The following CLTC variants were observed in gnomAD, a reference collection of about 807,000 sequenced individuals.
CLTC encodes the protein clathrin heavy chain 1.
CLTC carries 16 observed loss-of-function variants against 195.8 expected under a neutral mutation model. The ratio of observed to expected loss-of-function variants is 0.08; its 90% confidence interval spans 0.06 to 0.12. The LOEUF (loss-of-function observed/expected upper bound fraction) is 0.12. Among genes scored for constraint, CLTC ranks in the 10% least tolerant of loss-of-function variants. The pLI, the probability that CLTC is intolerant of heterozygous loss-of-function variation, is 1.00. For synonymous variants in CLTC, 667 were observed against 689.4 expected (o/e 0.97, Z 0.51); for missense variants, 796 against 2,027.0 (o/e 0.39, Z 11.66).
rs547225544 is a variant in CLTC at position 59,692,757 on chromosome 17, C to T, written c.4904-971C>T. Among the ~76,000 whole-genome samples the T allele has an allele frequency of 1.7e-3, 262 of 152,228 alleles. 2 individuals carry two copies. Among genetic ancestry groups the T allele is most frequent in the Middle Eastern group, 0.017 (5 of 294 alleles). On this transcript the variant is annotated intron_variant, in intron 31 of 31. Transcript: ENST00000269122. ...GTTCAAGTGATTCTCCTGCCTCAAC[C>T]TGCTGAGTAGCTGGGATTATAAGCA...
At chr17:59,663,103 G>A (rs994905263) in intron 8 of CLTC, among the ~76,000 whole-genome samples, 4 of 152,080 alleles carry the variant, frequency 2.6e-5, no homozygotes, top group Admixed American at 2.6e-4. Context: ...TAAGATTATC[G>A]ACTCTGATAC....
intron 8 of CLTC, among the ~76,000 whole-genome samples, chr17:59,662,043 C>T (rs1289979203): frequency 1.3e-5 from 2 of 151,174 alleles, no homozygotes; most frequent in African/African-American, 2.4e-5. Flanking sequence ...GTAGAGGTTG[C>T]AGTGAGTTGA....
At position 59,690,649 on chromosome 17, in the gene CLTC, A is replaced by T. The variant is rs1598248371; in HGVS notation, c.4841A>T (p.Asp1614Val). 6.2e-7 allele frequency: 1 copy of T among 1,612,468 alleles called. No homozygotes were observed. Among genetic ancestry groups the T allele is most frequent in the Non-Finnish European group, 8.5e-7 (1 of 1,179,110 alleles). Reference protein sequence around the residue: ...KEYLTKVDKLDASESLRKEEE... With the variant: ...KEYLTKVDKLVASESLRKEEE... ...GTTTTTCTCCAGGTGGATAAATTAG[A>T]TGCTTCAGAATCACTGAGAAAAGAA... Residue 1614 changes from aspartate to valine, a missense_variant, in exon 31 of 32, where the codon GAT becomes GTT. By Grantham distance (152) the Asp-to-Val change is radical. Transcript: ENST00000269122.
chr17:59,683,669 A>C lies in CLTC; in HGVS notation c.4236A>C (p.Leu1412Phe), dbSNP rs765701172. The C allele has an allele frequency of 1.2e-6, 2 of 1,614,214 alleles. No individual in the cohort carries two copies. Among genetic ancestry groups the C allele is most frequent in the Non-Finnish European group, 1.7e-6 (2 of 1,180,020 alleles). ...ELYYRAIQFY[L>F]EFKPLLLNDL... is the part of the protein sequence containing the mutation. ...ACTACAGAGCAATACAGTTCTACTT[A>C]GAATTCAAGCCTCTGTTGTTAAATG... The change falls in exon 27 of 32, where the codon TTA becomes TTC. Residue 1412 changes from leucine to phenylalanine, a missense_variant. Coordinates refer to ENST00000269122, the MANE Select transcript of CLTC (RefSeq NM_004859.4). This position sits in a 1 kb window ranked among gnomAD's most constrained non-coding sequence, Gnocchi z 6.1.
chr17:59,639,119 G>A (rs2031956155), intron 1 of CLTC, among the ~76,000 whole-genome samples: 1 of 152,104 alleles, frequency 6.6e-6, no homozygotes, highest in African/African-American at 2.4e-5. Flanking sequence ...ACAAAGTTTG[G>A]GTGCTTTTCT....
intron 30 of CLTC, among the ~76,000 whole-genome samples, chr17:59,688,234 G>A (rs1024627532): frequency 1.3e-5 from 2 of 152,144 alleles, no homozygotes; most frequent in Non-Finnish European, 2.9e-5. Context: ...TTTCTTGAGA[G>A]CCTGTATAGC....
intron 13 of CLTC, 115 bp downstream of exon 13, chr17:59,667,092 ATTTTAATT>A: frequency 1.3e-6 from 1 of 741,892 alleles, no homozygotes; most frequent in South Asian, 2.0e-5. Flanking sequence ...TCTATGGGAC[ATTTTAATT>A]TTTTAAGTTT....
chr17:59,632,574 CG>C (rs554454049), intron 1 of CLTC, among the ~76,000 whole-genome samples: 19 of 151,976 alleles, frequency 1.3e-4, no homozygotes, highest in Admixed American at 2.6e-4. Flanking sequence ...ACCCAGGAGC[CG>C]GAGGTTGCAG....
intron 1 of CLTC, among the ~76,000 whole-genome samples, chr17:59,638,418 T>G (rs1371037749): frequency 6.6e-6 from 1 of 152,138 alleles, no homozygotes; most frequent in African/African-American, 2.4e-5. Flanking sequence ...TCTTCACACC[T>G]CTGAGATAGA....
At chr17:59,634,011 C>T (rs1451474377) in intron 1 of CLTC, among the ~76,000 whole-genome samples, 1 of 152,166 alleles carries the variant, frequency 6.6e-6, no homozygotes, top group Non-Finnish European at 1.5e-5. Flanking sequence ...TGGACTCAAA[C>T]AATCTTCCCA....
chr17:59,639,305 ATAG>A (rs1193808297), intron 1 of CLTC, among the ~76,000 whole-genome samples: 6 of 152,210 alleles, frequency 3.9e-5, no homozygotes, highest in Non-Finnish European at 8.8e-5. Flanking sequence ...GTGACTTTTC[ATAG>A]TATAACCTTT....
chr17:59,665,656 T>C (rs2032712687), intron 10 of CLTC, among the ~76,000 whole-genome samples: 1 of 152,060 alleles, frequency 6.6e-6, no homozygotes, highest in Non-Finnish European at 1.5e-5. Flanking sequence ...CTAGCCAATA[T>C]AGCGAAACCC....
At chr17:59,692,427 T>G (rs998251761) in intron 31 of CLTC, among the ~76,000 whole-genome samples, 2 of 152,252 alleles carry the variant, frequency 1.3e-5, no homozygotes, top group Admixed American at 6.5e-5. Context: ...AATCTTGATC[T>G]AGGTTTACAC....
intron 1 of CLTC, among the ~76,000 whole-genome samples, chr17:59,628,498 A>G (rs1337582301): frequency 1.3e-5 from 2 of 152,186 alleles, no homozygotes; most frequent in African/African-American, 4.8e-5. Context: ...AAAAACTACC[A>G]TCTACCCAGT....
intron 1 of CLTC, among the ~76,000 whole-genome samples, chr17:59,626,931 T>G (rs950534392): frequency 6.6e-6 from 1 of 152,160 alleles, no homozygotes; most frequent in Admixed American, 6.5e-5. Flanking sequence ...AGGGTCTCAC[T>G]CTGTTGCCCA....
At position 59,685,007 on chromosome 17, in the gene CLTC, T is replaced by G. The variant is rs190556597; in HGVS notation, c.4435-49T>G. The G allele has an allele frequency of 7.0e-7, 1 of 1,432,452 alleles. No homozygotes were observed. The highest frequency in any genetic ancestry group is 2.1e-5 in the Admixed American group (1 of 46,674). 88.7% of individuals were successfully genotyped at this position (1,432,452 alleles called of 1,614,324 possible). On this transcript the variant is annotated intron_variant, in intron 28 of 31. Transcript: ENST00000269122. The surrounding 1 kb of genome is among the most constrained non-coding windows in gnomAD (Gnocchi z 5.0). ...CTCATTGATTGAGAACGGAATATAA[T>G]GTTAAACAAAATACTGATCTGGCAT...
rs2033417067 is a variant in CLTC at position 59,696,089 on chromosome 17, A to G, written c.*2237A>G. The G allele has an allele frequency of 4.7e-6, 1 of 213,410 alleles. No homozygotes were observed. Among genetic ancestry groups the G allele is most frequent in the Non-Finnish European group, 9.5e-6 (1 of 105,666 alleles). 13.2% of individuals were successfully genotyped at this position (213,410 alleles called of 1,614,324 possible). On this transcript the variant is annotated 3_prime_UTR_variant, in exon 32 of 32. Coordinates refer to ENST00000269122, the MANE Select transcript of CLTC (RefSeq NM_004859.4). ...CACTACCTTTGAATTTGGAGCCATC[A>G]GTCTATCTGAGGCAAACCTCAGAAA... is the stretch of plus-strand genomic sequence containing the variant.
chr17:59,674,909 T>C lies in CLTC; in HGVS notation c.2561+66T>C, dbSNP rs942487429. 2.1e-6 allele frequency: 3 copies of C among 1,460,296 alleles called. No homozygotes were observed. The African/African-American group carries it at 4.3e-5, about 21-fold the overall frequency. 90.5% of individuals were successfully genotyped at this position (1,460,296 alleles called of 1,614,324 possible). A position where few individuals can be genotyped will look rare whatever the true frequency, so the allele number is the denominator to read the frequency against. On this transcript the variant is annotated intron_variant, in intron 16 of 31. Transcript: ENST00000269122. ...ACATGGCAATAGATAAAAATATAGG[T>C]AGTCATTTGTTCCAAAGCTACTAAA...
chr17:59,691,360 C>T (rs2033293163), intron 31 of CLTC, among the ~76,000 whole-genome samples: 1 of 152,116 alleles, frequency 6.6e-6, no homozygotes. Flanking sequence ...TGCGGTGGCT[C>T]ATGCCTGTAA....
Sources: gnomAD v4.1 joint callset for allele counts (sites outside exome capture counted in the v4.1 genomes callset) on GRCh38, gnomAD v4.1.1 for gene constraint, Gnocchi (gnomAD v3.1) non-coding constraint, MANE v1.5 for transcripts, NCBI Gene and HGNC (gene_info 2026-07-23, HGNC 2026-07-21) for gene names.